NR3C1: variants seen among roughly 807,000 people sequenced by gnomAD.
NR3C1 encodes nuclear receptor subfamily 3 group C member 1.
Under a neutral mutation model 74.0 loss-of-function variants are expected in NR3C1, and 14 were observed. The ratio of observed to expected loss-of-function variants is 0.19; its 90% CI spans 0.12 to 0.30. The LOEUF is 0.30. Ranked by LOEUF, NR3C1 falls within the 10% of genes least tolerant of loss-of-function variation. The pLI is 1.00. For missense variants in NR3C1, 695 were observed against 909.8 expected (o/e 0.76, Z 3.04); for synonymous variants, 308 against 332.5 (o/e 0.93, Z 0.80).
At position 143,400,724 on chromosome 5, in the gene NR3C1, A is replaced by C; in HGVS notation, c.116T>G (p.Val39Gly). ...TGAGGGTGAAGACGCAGAAACCTTC[A>C]CAGTAGCTCCTCCTCTTAGGGTTTT... The part of the protein sequence containing the change: ...FYKTLRGGAT[V>G]KVSASSPSLA... The change falls in exon 2 of 9, where the codon GTG (valine) becomes GGG (glycine). Residue 39 changes from valine to glycine, a missense_variant. Val to Gly is a moderately radical substitution (Grantham distance 109). Around this residue, in one of 4 missense-constraint regions of NR3C1, gnomAD observed 497 missense variants for 489.5 expected, o/e 1.02. Coordinates refer to ENST00000394464, the MANE Select transcript of NR3C1 (RefSeq NM_000176.3). 1 of 1,614,208 alleles carries C rather than the reference A, an allele frequency of 6.2e-7. No individual in the cohort carries two copies. The highest frequency in any genetic ancestry group is 8.5e-7 in the Non-Finnish European group (1 of 1,180,030).
intron 1 of NR3C1, among the ~76,000 whole-genome samples, chr5:143,423,951 A>AG (rs149774985): frequency 6.8e-6 from 1 of 147,578 alleles, no homozygotes; most frequent in Middle Eastern, 3.3e-3. Context: ...GGTAGTGGGG[A>AG]GGGGGGATAA....
intron 2 of NR3C1, among the ~76,000 whole-genome samples, chr5:143,348,967 C>G (rs1829775431): frequency 6.6e-6 from 1 of 152,086 alleles, no homozygotes; most frequent in South Asian, 2.1e-4. Context: ...TGCATGCCAA[C>G]CTGGTGAAAT....
intron 1 of NR3C1, among the ~76,000 whole-genome samples, chr5:143,429,848 G>C (rs1265942765): frequency 6.6e-6 from 1 of 152,074 alleles, no homozygotes; most frequent in East Asian, 1.9e-4. Context: ...GGGAGGCCGA[G>C]GTGGGCAGAT....
intron 8 of NR3C1, among the ~76,000 whole-genome samples, 181 bp downstream of exon 8, chr5:143,282,387 A>ATAAT (rs1228008446): frequency 1.4e-5 from 2 of 147,222 alleles, no homozygotes; most frequent in Non-Finnish European, 3.0e-5. Flanking sequence ...AGGATATTTC[A>ATAAT]TAATTGGCCT....
At chr5:143,390,461 T>C (rs1220971829) in intron 2 of NR3C1, among the ~76,000 whole-genome samples, 1 of 152,186 alleles carries the variant, frequency 6.6e-6, no homozygotes, top group Non-Finnish European at 1.5e-5. Context: ...TTACTTTATA[T>C]CTGCTATTGC....
intron 2 of NR3C1, among the ~76,000 whole-genome samples, chr5:143,381,746 A>G (rs1251048761): frequency 3.9e-5 from 6 of 152,072 alleles, no homozygotes; most frequent in African/African-American, 1.4e-4. Context: ...ATGAAACTAG[A>G]CCCCTATCTC....
chr5:143,364,126 G>T (rs1247315391), intron 2 of NR3C1, among the ~76,000 whole-genome samples: 1 of 152,154 alleles, frequency 6.6e-6, no homozygotes, highest in African/African-American at 2.4e-5. Context: ...GGCAAAGAAT[G>T]AATCTTGAAA....
chr5:143,349,675 C>CT (rs1249632151), intron 2 of NR3C1, among the ~76,000 whole-genome samples: 1 of 152,186 alleles, frequency 6.6e-6, no homozygotes, highest in Non-Finnish European at 1.5e-5. Flanking sequence ...TTCCTGTTCT[C>CT]TTTCTCATTT....
intron 2 of NR3C1, among the ~76,000 whole-genome samples, chr5:143,352,544 A>G (rs2151789353): frequency 6.6e-6 from 1 of 152,316 alleles, no homozygotes; most frequent in African/African-American, 2.4e-5. Context: ...GCAAAATAAT[A>G]TTAATACAGG....
Position 143,279,648 on chromosome 5 carries a change from A to G in NR3C1, c.*2241T>C. ...CAAATAACATTCAAAAAGCATTCAA[A>G]GAAAACAAAAACATGTCCTCATTTT... On this transcript the variant is annotated 3_prime_UTR_variant, in exon 9 of 9. Coordinates refer to ENST00000394464, the MANE Select transcript of NR3C1 (RefSeq NM_000176.3). The G allele has an allele frequency of 2.4e-6, 1 of 419,804 alleles. No homozygotes were observed. Among genetic ancestry groups the G allele is most frequent in the Non-Finnish European group, 4.1e-6 (1 of 242,894 alleles). The allele number at this position is 419,804 out of a possible 1,614,324, so 26.0% of individuals were successfully genotyped here. A position where few individuals can be genotyped will look rare whatever the true frequency, so the allele number is the denominator to read the frequency against.
intron 2 of NR3C1, among the ~76,000 whole-genome samples, chr5:143,342,640 A>G (rs1483385187): frequency 6.6e-6 from 1 of 152,232 alleles, no homozygotes; most frequent in East Asian, 1.9e-4. Context: ...TTAAGAAGGA[A>G]TCAGAAAGTC....
chr5:143,332,584 G>A (rs1561589281), intron 2 of NR3C1: 1 of 1,003,028 alleles, frequency 1.0e-6, no homozygotes, highest in Non-Finnish European at 1.5e-6. Flanking sequence ...AAAGAATTGA[G>A]TAGCTGCACC....
intron 2 of NR3C1, among the ~76,000 whole-genome samples, chr5:143,370,979 A>T (rs1834135104): frequency 6.6e-6 from 1 of 152,250 alleles, no homozygotes. Context: ...TATCTAGACC[A>T]TAGCCAAGTC....
chr5:143,314,928 T>C (rs1160065400), intron 2 of NR3C1, among the ~76,000 whole-genome samples: 1 of 152,214 alleles, frequency 6.6e-6, no homozygotes, highest in African/African-American at 2.4e-5. Flanking sequence ...TATGACTGTT[T>C]GGCTTGAAGA....
intron 1 of NR3C1, among the ~76,000 whole-genome samples, chr5:143,421,914 C>T (rs1044528707): frequency 2.6e-5 from 4 of 152,140 alleles, no homozygotes; most frequent in South Asian, 4.1e-4. Flanking sequence ...ATGATATGGA[C>T]GTGGTGGAAG....
In NR3C1 at chr5:143,403,219, G is replaced by C. The variant is rs1217348975; in HGVS notation, c.-22C>G. The C allele has an allele frequency of 5.1e-6, 5 of 985,424 alleles. No homozygotes were observed. The highest frequency in any genetic ancestry group is 6.0e-6 in the Non-Finnish European group (5 of 830,024). The allele number at this position is 985,424 out of a possible 1,614,324, so 61.0% of individuals were successfully genotyped here. On this transcript the variant is annotated 5_prime_UTR_variant, in exon 1 of 9. Transcript: ENST00000394464. ...CCCGCCTCGCTTCTTACCTCTGGCA[G>C]AGGAGCCGCTCGCCCGCCACCGTCC...
intron 1 of NR3C1, chr5:143,402,873 G>A (rs1840593991): frequency 1.4e-5 from 14 of 971,298 alleles, no homozygotes; most frequent in Admixed American, 6.1e-5. Context: ...TGGAGGGAAA[G>A]GGGACACTAG....
At chr5:143,313,327 T>C (rs1028497222) in intron 3 of NR3C1, among the ~76,000 whole-genome samples, 9 of 152,186 alleles carry the variant, frequency 5.9e-5, no homozygotes, top group Non-Finnish European at 1.0e-4. Context: ...CAAAGTAAGA[T>C]TTGTGTTAAT....
chr5:143,392,603 A>C (rs1014285445), intron 2 of NR3C1, among the ~76,000 whole-genome samples: 1 of 151,912 alleles, frequency 6.6e-6, no homozygotes, highest in East Asian at 1.9e-4. Context: ...TCTGTGCTTC[A>C]TGGATATTGA....
Sources: allele counts gnomAD v4.1 joint callset (sites outside exome capture counted in the v4.1 genomes callset), GRCh38; gene constraint gnomAD v4.1.1; regional missense constraint gnomAD v4.1.1; transcripts MANE v1.5; gene names NCBI Gene and HGNC (gene_info 2026-07-23, HGNC 2026-07-21).